The following ISLR2 variants were observed in gnomAD, a reference collection of about 807,000 sequenced individuals.
The protein encoded by ISLR2 is immunoglobulin superfamily containing leucine-rich repeat protein 2.
ISLR2 carries 16 observed loss-of-function variants against 25.5 expected under a neutral mutation model. That is an observed-to-expected ratio of 0.63 (90% CI 0.43 to 0.95). ISLR2 has a LOEUF of 0.95. Ranked by LOEUF, ISLR2 falls within the 40% of genes least tolerant of loss-of-function variation. The pLI is 0.00. For synonymous variants in ISLR2, 508 were observed against 486.6 expected (o/e 1.04, Z -0.58); for missense variants, 883 against 1,030.7 (o/e 0.86, Z 1.96).
intron 1 of ISLR2, chr15:74,100,608 A>G (rs1274148854): frequency 1.4e-5 from 2 of 145,700 alleles, no homozygotes; most frequent in African/African-American, 5.3e-5. Flanking sequence ...GTGGCAAAAA[A>G]CATTTTAAAA....
rs773065349 is a variant in ISLR2 at position 74,133,366 on chromosome 15, C to A, written c.612C>A (p.Pro204=). ...CCGCGAGCACCCGGGTGTCCTTACCCGAGCCCGACTCCATTGCTTGTGCCT... is the reference window on the plus strand; with the variant it reads ...CCGCGAGCACCCGGGTGTCCTTACCAGAGCCCGACTCCATTGCTTGTGCCT... ...AWAASTRVSL[P]EPDSIACASP... Residue 204 remains proline (P), a synonymous_variant, in exon 3 of 3, where the codon CCC becomes CCA. Transcript: ENST00000453268. 3 of 1,607,986 alleles carry A rather than the reference C, an allele frequency of 1.9e-6. No homozygotes were observed. The highest frequency in any genetic ancestry group is 4.5e-5 in the East Asian group (2 of 44,892).
chr15:74,105,912 C>T (rs1436307592), intron 2 of ISLR2, among the ~76,000 whole-genome samples: 1 of 152,060 alleles, frequency 6.6e-6, no homozygotes, highest in Non-Finnish European at 1.5e-5. Context: ...CTGTAATGTG[C>T]GGTCATTGAG....
At chr15:74,120,701 G>A (rs2072246465) in intron 2 of ISLR2, among the ~76,000 whole-genome samples, 1 of 152,164 alleles carries the variant, frequency 6.6e-6, no homozygotes, top group East Asian at 1.9e-4. Context: ...CAGCTTTGCT[G>A]TGTGACCTTG....
In ISLR2 at chr15:74,116,615, A is replaced by G. The variant is rs534955324; in HGVS notation, n.228+12701A>G. 2.6e-5 allele frequency among the ~76,000 whole-genome samples: 4 copies of G among 152,352 alleles called. No individual in the cohort carries two copies. The East Asian group carries it at 7.7e-4, about 29-fold the overall frequency. On this transcript the variant is annotated intron_variant and non_coding_transcript_variant, in intron 2 of 3. Transcript: ENST00000561975. ...ACTGACATAATAAATACATGGATAA[A>G]TAGAAAAGATCCTATTTTCTTATTT...
chr15:74,134,730 C>A lies in ISLR2; in HGVS notation c.1976C>A (p.Pro659Gln). The A allele has an allele frequency of 6.2e-7, 1 of 1,613,996 alleles. No individual in the cohort carries two copies. Among genetic ancestry groups the A allele is most frequent in the Non-Finnish European group, 8.5e-7 (1 of 1,179,950 alleles). Residue 659 changes from proline to glutamine, a missense_variant, in exon 3 of 3, where the codon CCG becomes CAG. This residue lies in a region of ISLR2 where 612 missense variants were observed against 642.8 expected (regional missense o/e 0.95). Transcript: ENST00000453268. The part of the protein sequence containing the change: ...ASYLESEKSY[P>Q]AGGEAGGEEP... ...TACCTCGAGTCCGAGAAAAGCTACC[C>A]GGCAGGCGGCGAGGCGGGCGGCGAG...
Position 74,134,080 on chromosome 15 carries a change from A to T in ISLR2, c.1326A>T (p.Gly442=), listed in dbSNP as rs775051626. The change falls in exon 3 of 3, where the codon GGA becomes GGT. Residue 442 remains glycine (G), a synonymous_variant. Transcript: ENST00000453268. ...ETEPEEDTSE[G]EEAEDQILAD... ...AGCCGGAGGAGGACACAAGTGAGGG[A>T]GAGGAGGCCGAAGACCAGATCCTCG... is the stretch of plus-strand genomic sequence containing the variant. The T allele has an allele frequency of 1.2e-6, 2 of 1,613,648 alleles. No homozygotes were observed. The highest frequency in any genetic ancestry group is 1.1e-5 in the South Asian group (1 of 90,954).
intron 2 of ISLR2, chr15:74,103,959 A>G (rs1006625732): frequency 2.6e-5 from 4 of 152,124 alleles, no homozygotes; most frequent in African/African-American, 4.8e-5. Flanking sequence ...CTGTGAGTCA[A>G]TTTAAACCTC....
In ISLR2 at chr15:74,134,323, G is replaced by T. The variant is rs901121876; in HGVS notation, c.1569G>T (p.Gly523=). ...GGGCTGGCGGAGCCCCGCGACCCGGGCGGCGACCCCTGCGCCTACTCTATC... is the reference window on the plus strand; with the variant it reads ...GGGCTGGCGGAGCCCCGCGACCCGGTCGGCGACCCCTGCGCCTACTCTATC... ...PGGAGGAPRP[G]RRPLRLLYLC... Residue 523 remains glycine (G), a synonymous_variant, in exon 3 of 3, where the codon GGG becomes GGT. Coordinates refer to ENST00000453268, the MANE Select transcript of ISLR2 (RefSeq NM_020851.3). The T allele has an allele frequency of 1.3e-6, 2 of 1,537,490 alleles. No individual in the cohort carries two copies. The highest frequency in any genetic ancestry group is 2.8e-5 in the African/African-American group (2 of 72,560).
intron 2 of ISLR2, among the ~76,000 whole-genome samples, chr15:74,118,177 G>A (rs927856919): frequency 5.9e-5 from 9 of 152,046 alleles, no homozygotes; most frequent in East Asian, 3.8e-4. Flanking sequence ...CTGGGTGTCC[G>A]GGGGAGACAT....
rs535357987 is a variant in ISLR2, at chr15:74,134,680, C to G, written c.1926C>G (p.Ala642=). ...CTGACCCTATGGAGAAGCGCATCGCCGCAGACTTCGACCCGCGTGCTTCGT... is the reference window on the plus strand; with the variant it reads ...CTGACCCTATGGAGAAGCGCATCGCGGCAGACTTCGACCCGCGTGCTTCGT... ...QAPDPMEKRI[A]ADFDPRASYL... The change falls in exon 3 of 3, where the codon GCC becomes GCG. Residue 642 remains alanine, a synonymous_variant. Transcript: ENST00000453268. 1 of 1,614,158 alleles carries G rather than the reference C, an allele frequency of 6.2e-7. No homozygotes were observed.
intron 2 of ISLR2, among the ~76,000 whole-genome samples, chr15:74,106,712 A>G (rs2072123121): frequency 6.6e-6 from 1 of 151,880 alleles, no homozygotes; most frequent in Non-Finnish European, 1.5e-5. Flanking sequence ...AGCTGGCTAG[A>G]ATTCCTGCAC....
chr15:74,140,813 C>T (rs2072607193), downstream of ISLR2, among the ~76,000 whole-genome samples: 2 of 152,198 alleles, frequency 1.3e-5, no homozygotes, highest in South Asian at 4.1e-4. Flanking sequence ...AATGTAGCCA[C>T]CCACACCTAT....
Position 74,133,164 on chromosome 15 carries a change from C to G in ISLR2, c.410C>G (p.Ser137Cys), listed in dbSNP as rs3889598. The change falls in exon 3 of 3, where the codon TCT becomes TGT. Residue 137 changes from serine (S) to cysteine (C), a missense_variant. By Grantham distance (112) the Ser-to-Cys change is moderately radical. Transcript: ENST00000453268. ...LLKMNHNRLG[S>C]LPRDALGALP... ...AAAATGAACCACAACCGCCTGGGCT[C>G]TCTGCCCCGGGACGCACTCGGTGCG... 2.4e-5 allele frequency: 39 copies of G among 1,613,094 alleles called. No homozygotes were observed. The highest frequency in any genetic ancestry group is 4.2e-6 in the Non-Finnish European group (5 of 1,179,994).
intron 2 of ISLR2, among the ~76,000 whole-genome samples, chr15:74,114,767 G>T (rs1595938199): frequency 2.6e-5 from 4 of 152,224 alleles, no homozygotes; most frequent in South Asian, 2.1e-4. Context: ...CAGAGAACAG[G>T]TCGAGCAGAA....
rs560094405 is a variant in ISLR2 at position 74,135,806 on chromosome 15, C to T, written c.*814C>T. 658 of 166,660 alleles carry T rather than the reference C, an allele frequency of 3.9e-3. 4 individuals are homozygous for T. Among genetic ancestry groups the T allele is most frequent in the Non-Finnish European group, 6.4e-3 (434 of 68,256 alleles). The allele number at this position is 166,660 out of a possible 1,614,324, so 10.3% of individuals were successfully genotyped here. ...GCGTGAGGCACCGCGCCCGGCCCCT[C>T]CTCCCTTTCAATCCCTACTCCCAGA... On this transcript the variant is annotated 3_prime_UTR_variant, in exon 3 of 3. Transcript: ENST00000453268.
At position 74,135,373 on chromosome 15, in the gene ISLR2, A is replaced by G. The variant is rs926160332; in HGVS notation, c.*381A>G. On this transcript the variant is annotated 3_prime_UTR_variant, in exon 3 of 3. Coordinates refer to ENST00000453268, the MANE Select transcript of ISLR2 (RefSeq NM_020851.3). ...CTGGAGCCAGAGGAAACGAGCGAAG[A>G]CTTTGGAAACCTCGCGGTAACGCGG... The G allele has an allele frequency of 1.6e-5, 4 of 242,744 alleles. No homozygotes were observed. Among genetic ancestry groups the G allele is most frequent in the Non-Finnish European group, 3.5e-5 (4 of 114,152 alleles). The allele number at this position is 242,744 out of a possible 1,614,324, so 15.0% of individuals were successfully genotyped here.
chr15:74,121,450 C>T (rs2072251871), intron 2 of ISLR2, among the ~76,000 whole-genome samples: 1 of 152,090 alleles, frequency 6.6e-6, no homozygotes, highest in South Asian at 2.1e-4. Context: ...AGCACCTGAG[C>T]AATCTTTTCC....
upstream of ISLR2, chr15:74,128,501 G>A (rs1192574317): frequency 2.2e-6 from 1 of 456,626 alleles, no homozygotes; most frequent in Non-Finnish European, 4.4e-6. Flanking sequence ...AAGGAAAGGG[G>A]GTCTTCCCTG....
At chr15:74,129,051 C>G (rs1051774856), upstream of ISLR2, 7 of 456,536 alleles carry the variant, frequency 1.5e-5, no homozygotes, top group Admixed American at 7.1e-5. The surrounding 1 kb of genome is among the most constrained non-coding windows in gnomAD (Gnocchi z 4.5). Context: ...CGACCATTTT[C>G]GAAGACACCT....
Sources: gnomAD v4.1 joint callset for allele counts (sites outside exome capture counted in the v4.1 genomes callset) on GRCh38, gnomAD v4.1.1 for gene constraint, gnomAD v4.1.1 regional missense constraint, Gnocchi (gnomAD v3.1) non-coding constraint, MANE v1.5 for transcripts, NCBI Gene and HGNC (gene_info 2026-07-23, HGNC 2026-07-21) for gene names.